KATNIP: variants seen among roughly 807,000 people sequenced by gnomAD.
KATNIP encodes the protein katanin interacting protein, also known as katanin-interacting protein.
KATNIP carries 126 observed loss-of-function variants against 174.0 expected under a neutral mutation model. The ratio of observed to expected loss-of-function variants is 0.72; its 90% CI spans 0.63 to 0.84. The LOEUF (loss-of-function observed/expected upper bound fraction) is 0.84. Among genes scored for constraint, KATNIP ranks in the 40% least tolerant of loss-of-function variants. The pLI is 0.00. For missense variants in KATNIP, 1,958 were observed against 2,109.7 expected, an observed-to-expected ratio of 0.93 and a Z score of 1.41; for synonymous variants, 810 against 835.7, an observed-to-expected ratio of 0.97 and a Z score of 0.53.
intron 2 of KATNIP, among the ~76,000 whole-genome samples, chr16:27,596,008 C>G (rs188137944): frequency 6.6e-6 from 1 of 151,988 alleles, no homozygotes; most frequent in Non-Finnish European, 1.5e-5. Context: ...AAGGCCAGGT[C>G]GTGTAGGGCT....
chr16:27,763,619 C>CAAAAAAA (rs565418198), intron 19 of KATNIP, among the ~76,000 whole-genome samples: 10 of 50,536 alleles, frequency 2.0e-4, no homozygotes, highest in Middle Eastern at 0.011. Flanking sequence ...TGTCTCAACA[C>CAAAAAAA]AAAAAAAAAA....
In KATNIP at chr16:27,669,347, A is replaced by C. The variant is rs141943955; in HGVS notation, c.541-8382A>C. The C allele has an allele frequency of 3.9e-5, 38 of 979,628 alleles. No homozygotes were observed. The African/African-American group carries it at 6.5e-4, about 17-fold the overall frequency. 60.7% of individuals were successfully genotyped at this position (979,628 alleles called of 1,614,324 possible). ...CCAGTGAGGAGACCCATTTGTGTGC[A>C]GTCCCTGTCATCCGATCTCCACCTG... On this transcript the variant is annotated intron_variant, in intron 6 of 27. Transcript: ENST00000261588.
chr16:27,627,122 G>A lies in KATNIP; in HGVS notation c.141-1539G>A, dbSNP rs370585448. On this transcript the variant is annotated intron_variant, in intron 3 of 27. Coordinates refer to ENST00000261588, the MANE Select transcript of KATNIP (RefSeq NM_015202.5). ...CAGTCAATACTTGCTGCATTTTTGC[G>A]GTCACTTGCAGACACGTGCAGAGAG... Among the ~76,000 whole-genome samples, 6 of 152,160 alleles carry A rather than the reference G, an allele frequency of 3.9e-5. No individual in the cohort carries two copies. The East Asian group carries it at 5.8e-4, about 15-fold the overall frequency.
chr16:27,563,980 T>C (rs957323825), intron 1 of KATNIP, among the ~76,000 whole-genome samples: 2 of 148,770 alleles, frequency 1.3e-5, no homozygotes, highest in Non-Finnish European at 3.0e-5. Context: ...GGAGGATCAC[T>C]TGAGCCCAGT....
At chr16:27,747,975 G>C (rs541741122) in intron 15 of KATNIP, among the ~76,000 whole-genome samples, 3 of 152,260 alleles carry the variant, frequency 2.0e-5, no homozygotes, top group Admixed American at 6.5e-5. Flanking sequence ...TGATGGAGCC[G>C]AGCCCCCTAG....
intron 9 of KATNIP, among the ~76,000 whole-genome samples, chr16:27,699,327 C>G (rs1567315192): frequency 1.3e-5 from 2 of 152,200 alleles, no homozygotes; most frequent in African/African-American, 2.4e-5. Context: ...GGTTGTTCCC[C>G]AGGCTCTATC....
chr16:27,647,652 T>G (rs1332354342), intron 5 of KATNIP, among the ~76,000 whole-genome samples: 2 of 151,864 alleles, frequency 1.3e-5, no homozygotes, highest in African/African-American at 4.8e-5. Context: ...ACTACAGGCA[T>G]GCGCCACCAC....
At chr16:27,751,958 C>A (rs1225548056) in intron 17 of KATNIP, 34 bp downstream of exon 17, 2 of 1,551,784 alleles carry the variant, frequency 1.3e-6, no homozygotes, top group South Asian at 1.2e-5. Flanking sequence ...TGGGGGGACC[C>A]CCAGATAGGT....
intron 8 of KATNIP, among the ~76,000 whole-genome samples, chr16:27,683,141 A>G (rs936857818): frequency 2.6e-5 from 4 of 152,242 alleles, no homozygotes; most frequent in African/African-American, 9.6e-5. Flanking sequence ...TGTCACTAGC[A>G]AAGGAGACTG....
intron 6 of KATNIP, among the ~76,000 whole-genome samples, chr16:27,655,209 TATATATATATATATATATA>T (rs2077236201): frequency 7.9e-6 from 1 of 127,192 alleles, no homozygotes; most frequent in African/African-American, 3.0e-5. Context: ...TATATATATA[TATATATATATATATATATA>T]TTTTGTTTGT....
chr16:27,701,552 C>A (rs1443960326), intron 10 of KATNIP, 37 bp from the exon 11 acceptor site: 2 of 1,504,590 alleles, frequency 1.3e-6, no homozygotes, highest in East Asian at 2.4e-5. Flanking sequence ...AGGAGTGTTG[C>A]CTGAGACATC....
At chr16:27,706,445 A>C (rs755718732) in intron 12 of KATNIP, among the ~76,000 whole-genome samples, 6 of 152,156 alleles carry the variant, frequency 3.9e-5, no homozygotes, top group Non-Finnish European at 7.4e-5. Context: ...TTTATGGCTG[A>C]GAAAAGAGAC....
intron 2 of KATNIP, among the ~76,000 whole-genome samples, chr16:27,613,578 C>T (rs1019071475): frequency 6.6e-6 from 1 of 152,114 alleles, no homozygotes; most frequent in Non-Finnish European, 1.5e-5. Context: ...ATGTAAATTG[C>T]CTTGGAGCAG....
intron 3 of KATNIP, among the ~76,000 whole-genome samples, chr16:27,621,785 G>C (rs368578518): frequency 3.4e-5 from 5 of 145,092 alleles, no homozygotes; most frequent in African/African-American, 1.4e-4. Flanking sequence ...GAGAGAGGGT[G>C]GGGGGGAGGT....
chr16:27,668,039 T>C (rs1303249618), intron 6 of KATNIP, among the ~76,000 whole-genome samples: 3 of 152,324 alleles, frequency 2.0e-5, no homozygotes, highest in African/African-American at 7.2e-5. Flanking sequence ...TGAACATGTT[T>C]AGTGGCCTCA....
chr16:27,562,259 A>G (rs1419664743), intron 1 of KATNIP, among the ~76,000 whole-genome samples: 1 of 152,212 alleles, frequency 6.6e-6, no homozygotes, highest in Non-Finnish European at 1.5e-5. Flanking sequence ...ATGGTGAGCC[A>G]TGACCACACC....
In KATNIP at chr16:27,765,289, C is replaced by T. The variant is rs187424017; in HGVS notation, c.3810-1020C>T. ...AGGCATGCTGGGCAGTCCGGGGAAG[C>T]GAGAGGCACGATTGTCCTTGGGACA... On this transcript the variant is annotated intron_variant, in intron 19 of 27. Transcript: ENST00000261588. Among the ~76,000 whole-genome samples, 4 of 152,296 alleles carry T rather than the reference C, an allele frequency of 2.6e-5. No individual in the cohort carries two copies. The South Asian group carries it at 8.3e-4, about 32-fold the overall frequency.
chr16:27,566,861 G>C (rs557048799), intron 1 of KATNIP, among the ~76,000 whole-genome samples: 1 of 152,320 alleles, frequency 6.6e-6, no homozygotes, highest in African/African-American at 2.4e-5. Flanking sequence ...TTTGAAATCA[G>C]ATCGTCAGAC....
At chr16:27,612,151 G>GT (rs1341498817) in intron 2 of KATNIP, among the ~76,000 whole-genome samples, 1 of 152,204 alleles carries the variant, frequency 6.6e-6, no homozygotes, top group Non-Finnish European at 1.5e-5. Flanking sequence ...TGAGAGCTTT[G>GT]TAAGTGCCAG....
Sources: allele counts gnomAD v4.1 joint callset (sites outside exome capture counted in the v4.1 genomes callset), GRCh38; gene constraint gnomAD v4.1.1; transcripts MANE v1.5; gene names NCBI Gene and HGNC (gene_info 2026-07-23, HGNC 2026-07-21).